The following PPP1CB variants were observed in gnomAD, a reference collection of about 807,000 sequenced individuals.
PPP1CB encodes the protein serine/threonine-protein phosphatase PP1-beta catalytic subunit.
In PPP1CB, 2 loss-of-function variants were observed where a neutral mutation model predicts 43.7. The observed-to-expected ratio is 0.05, with a 90% confidence interval of 0.02 to 0.14. PPP1CB has a LOEUF of 0.14. Ranked by LOEUF, PPP1CB falls within the 10% of genes least tolerant of loss-of-function variation. The pLI, the probability that PPP1CB is intolerant of heterozygous loss-of-function variation, is 1.00. For missense variants in PPP1CB, 84 were observed against 398.0 expected, an observed-to-expected ratio of 0.21 and a Z score of 6.71; for synonymous variants, 136 against 135.6, an observed-to-expected ratio of 1.00 and a Z score of -0.02.
At chr2:28,780,627 A>C (rs781741645) in intron 3 of PPP1CB, among the ~76,000 whole-genome samples, 56 of 152,330 alleles carry the variant, frequency 3.7e-4, no homozygotes, top group South Asian at 8.3e-4. Flanking sequence ...AAATGAAATA[A>C]TGTATGGGAG....
intron 1 of PPP1CB, among the ~76,000 whole-genome samples, chr2:28,771,859 T>C (rs1263452543): frequency 6.6e-6 from 1 of 151,834 alleles, no homozygotes; most frequent in Non-Finnish European, 1.5e-5. Flanking sequence ...AAAGATTGAC[T>C]AAGATTTTTT....
At chr2:28,777,301 A>T (rs910813194) in intron 2 of PPP1CB, 1 of 160,724 alleles carries the variant, frequency 6.2e-6, no homozygotes, top group Non-Finnish European at 1.4e-5. Flanking sequence ...GCCAGTAAAC[A>T]TAAGGACGTC....
At chr2:28,797,274 C>T (rs1667515674) in intron 7 of PPP1CB, among the ~76,000 whole-genome samples, 1 of 152,064 alleles carries the variant, frequency 6.6e-6, no homozygotes, top group Non-Finnish European at 1.5e-5. Flanking sequence ...TACAATGATG[C>T]TCACTTCGTA....
rs114288521 is a variant in PPP1CB, at chr2:28,752,396, C to T, written c.52+220C>T. Among the ~76,000 whole-genome samples, 473 of 152,224 alleles carry T rather than the reference C, an allele frequency of 3.1e-3. 4 individuals carry two copies. Among genetic ancestry groups the T allele is most frequent in the African/African-American group, 0.011 (448 of 41,546 alleles). On this transcript the variant is annotated intron_variant, in intron 1 of 7. Transcript: ENST00000395366. The stretch of plus-strand genomic sequence containing the variant: ...TCAGGGGAGATCGGGGGAGAGGGGG[C>T]CGTTCCCGCGGACCCTCGGGGGCCA...
At chr2:28,760,382 A>G (rs2148456937) in intron 1 of PPP1CB, among the ~76,000 whole-genome samples, 1 of 152,334 alleles carries the variant, frequency 6.6e-6, no homozygotes. Flanking sequence ...CTGTATATAC[A>G]TTGTGCCTTT....
chr2:28,773,959 T>C (rs1346401724), intron 1 of PPP1CB, among the ~76,000 whole-genome samples: 1 of 152,198 alleles, frequency 6.6e-6, no homozygotes, highest in Non-Finnish European at 1.5e-5. Flanking sequence ...TGCAAGAGTC[T>C]CACAACTTCA....
chr2:28,784,929 A>AAAAG (rs1301216989), intron 5 of PPP1CB, among the ~76,000 whole-genome samples: 1 of 116,888 alleles, frequency 8.6e-6, no homozygotes, highest in African/African-American at 2.8e-5. Context: ...AAAAAAAAAA[A>AAAAG]AAAAAGAAAA....
rs556559407 is a variant in PPP1CB at position 28,755,343 on chromosome 2, A to T, written c.52+3167A>T. Among the ~76,000 whole-genome samples the T allele has an allele frequency of 3.3e-5, 5 of 152,302 alleles. No individual in the cohort carries two copies. In the East Asian group the frequency reaches 9.7e-4, roughly 29 times the overall value. On this transcript the variant is annotated intron_variant, in intron 1 of 7. Transcript: ENST00000395366. ...GCATGTGCCACCGCGCCTGACCTTG[A>T]TATGATATTTTCAAAGAGTCCTTTA... is the stretch of plus-strand genomic sequence containing the variant.
intron 1 of PPP1CB, among the ~76,000 whole-genome samples, chr2:28,765,321 A>G (rs1205659584): frequency 6.6e-6 from 1 of 152,182 alleles, no homozygotes; most frequent in African/African-American, 2.4e-5. Flanking sequence ...ATTTCATCTT[A>G]GAAGATGTCT....
In PPP1CB at chr2:28,801,975, A is replaced by T. The variant is rs1219155206; in HGVS notation, c.*2672A>T. On this transcript the variant is annotated 3_prime_UTR_variant, in exon 8 of 8. Coordinates refer to ENST00000395366, the MANE Select transcript of PPP1CB (RefSeq NM_002709.3). Reference sequence around the variant, plus strand: ...AAGCGTTGAGTCATCAGGTATTTAGAGCCTAGCCAGCTACCCAGTATCCAT... The same window carrying T: ...AAGCGTTGAGTCATCAGGTATTTAGTGCCTAGCCAGCTACCCAGTATCCAT... 6.6e-6 allele frequency: 1 copy of T among 152,190 alleles called. No individual in the cohort carries two copies. The highest frequency in any genetic ancestry group is 1.5e-5 in the Non-Finnish European group (1 of 68,032). 9.4% of individuals were successfully genotyped at this position (152,190 alleles called of 1,614,324 possible).
intron 5 of PPP1CB, among the ~76,000 whole-genome samples, chr2:28,787,622 G>GTT (rs1667299373): frequency 1.3e-5 from 2 of 152,142 alleles, no homozygotes; most frequent in South Asian, 4.1e-4. Flanking sequence ...TGATTTAATT[G>GTT]TAAGTGGCAC....
intron 6 of PPP1CB, 58 bp downstream of exon 6, chr2:28,788,867 A>C: frequency 2.1e-6 from 3 of 1,456,386 alleles, no homozygotes; most frequent in Non-Finnish European, 2.7e-6. Flanking sequence ...TTGGGGGCAG[A>C]CGGAGGGGCA....
intron 1 of PPP1CB, among the ~76,000 whole-genome samples, chr2:28,755,029 G>T (rs185264087): frequency 2.0e-5 from 3 of 152,070 alleles, no homozygotes; most frequent in African/African-American, 7.2e-5. Flanking sequence ...TTAGGTGGGC[G>T]TATTATTGAT....
intron 7 of PPP1CB, among the ~76,000 whole-genome samples, chr2:28,794,730 ATAATAC>A (rs1422599443): frequency 6.6e-6 from 1 of 152,118 alleles, no homozygotes; most frequent in Non-Finnish European, 1.5e-5. Context: ...AACTTTCAAA[ATAATAC>A]TAAACTACCC....
intron 2 of PPP1CB, 123 bp downstream of exon 2, chr2:28,777,105 T>TA (rs1384229371): frequency 9.7e-5 from 96 of 986,708 alleles, no homozygotes; most frequent in Non-Finnish European, 4.7e-5. Context: ...CTTTACTAAA[T>TA]AAAAGTGTAT....
At chr2:28,759,322 C>A (rs754431403) in intron 1 of PPP1CB, among the ~76,000 whole-genome samples, 1 of 152,006 alleles carries the variant, frequency 6.6e-6, no homozygotes, top group Non-Finnish European at 1.5e-5. Flanking sequence ...TCGAGACCAG[C>A]CTGGCCAACA....
rs1572474410 is a variant in PPP1CB, at chr2:28,799,234, G to A, written c.915G>A (p.Gln305=). Residue 305 remains glutamine (Q), a synonymous_variant, in exon 8 of 8, where the codon CAG becomes CAA. Coordinates refer to ENST00000395366, the MANE Select transcript of PPP1CB (RefSeq NM_002709.3). ...LKPSEKKAKY[Q]YGGLNSGRPV... is the part of the protein sequence containing the mutation. ...CATCTGAAAAGAAAGCTAAATACCA[G>A]TATGGTGGACTGAATTCTGGACGTC... 6.2e-7 allele frequency: 1 copy of A among 1,608,102 alleles called. No homozygotes were observed. Among genetic ancestry groups the A allele is most frequent in the East Asian group, 2.2e-5 (1 of 44,812 alleles).
chr2:28,777,943 C>A (rs888305527), intron 2 of PPP1CB, among the ~76,000 whole-genome samples: 1 of 152,152 alleles, frequency 6.6e-6, no homozygotes, highest in African/African-American at 2.4e-5. Flanking sequence ...CATGAGCCAC[C>A]GCAGCTGGCC....
At chr2:28,790,242 T>C (rs1333852654) in intron 6 of PPP1CB, among the ~76,000 whole-genome samples, 1 of 140,192 alleles carries the variant, frequency 7.1e-6, no homozygotes, top group Non-Finnish European at 1.6e-5. Context: ...GATCGTACCA[T>C]TTCACTCCTG....
Sources: allele counts gnomAD v4.1 joint callset (sites outside exome capture counted in the v4.1 genomes callset), GRCh38; gene constraint gnomAD v4.1.1; transcripts MANE v1.5; gene names NCBI Gene and HGNC (gene_info 2026-07-23, HGNC 2026-07-21).